Variants in IL1RAPL1 observed in about 807,000 individuals in gnomAD.
The protein encoded by IL1RAPL1 is interleukin 1 receptor accessory protein like 1.
Under a neutral mutation model 48.4 loss-of-function variants are expected in IL1RAPL1, and 3 were observed. That is an observed-to-expected ratio of 0.06 (90% confidence interval 0.03 to 0.16). The LOEUF (loss-of-function observed/expected upper bound fraction) is 0.16, where lower values mean the gene tolerates loss of function less well. IL1RAPL1 is among the 10% of genes least tolerant of loss of function. IL1RAPL1 has a pLI of 1.00. For missense variants in IL1RAPL1, 349 were observed against 530.6 expected (o/e 0.66, Z 3.36); for synonymous variants, 185 against 187.7 (o/e 0.99, Z 0.12).
At chrX:29,189,040 T>C (rs1447999510) in intron 2 of IL1RAPL1, among the ~76,000 whole-genome samples, 2 of 112,514 alleles carry the variant, frequency 1.8e-5, no homozygotes, top group African/African-American at 6.5e-5. Context: ...TTTTTGTTTT[T>C]TGTTTTTCCA....
intron 2 of IL1RAPL1, among the ~76,000 whole-genome samples, chrX:29,155,774 C>G (rs972704511): frequency 1.8e-5 from 2 of 111,371 alleles, no homozygotes; most frequent in Admixed American, 9.6e-5. Context: ...TACCTTTATT[C>G]TAACAAGATA....
chrX:28,791,715 C>G (rs944768964), intron 2 of IL1RAPL1, among the ~76,000 whole-genome samples: 6 of 111,848 alleles, frequency 5.4e-5, no homozygotes, highest in African/African-American at 1.6e-4. Flanking sequence ...CCCCTAGTGT[C>G]TATATTAAGA....
intron 2 of IL1RAPL1, among the ~76,000 whole-genome samples, chrX:28,835,700 A>C (rs1037107123): frequency 9.0e-6 from 1 of 111,404 alleles, no homozygotes; most frequent in Non-Finnish European, 1.9e-5. Flanking sequence ...CCATTTTTGT[A>C]GGTTAAAAGG....
At chrX:29,928,235 G>GA (rs1263994644) in intron 8 of IL1RAPL1, among the ~76,000 whole-genome samples, 1 of 112,075 alleles carries the variant, frequency 8.9e-6, no homozygotes, top group Non-Finnish European at 1.9e-5. Flanking sequence ...CGATGTATTA[G>GA]AAAATGATAA....
chrX:29,399,549 C>A (rs763156941), intron 5 of IL1RAPL1, among the ~76,000 whole-genome samples: 56 of 111,392 alleles, frequency 5.0e-4, no homozygotes, highest in Admixed American at 2.3e-3. Context: ...GGCCGGGCAC[C>A]GTGGCTCATG....
At position 29,871,257 on chromosome X, in the gene IL1RAPL1, A is replaced by G. The variant is rs148978989; in HGVS notation, c.779-46207A>G. Among the ~76,000 whole-genome samples the G allele has an allele frequency of 9.3e-3, 1,039 of 112,206 alleles. 15 individuals carry two copies. The highest frequency in any genetic ancestry group is 0.032 in the African/African-American group (987 of 30,917). ...AGGAAAGTCTCCCATCTCAAAGTCT[A>G]TAATGTTAATCATGCCTGCAAAGTC... On this transcript the variant is annotated intron_variant, in intron 6 of 10. Transcript: ENST00000378993.
intron 5 of IL1RAPL1, among the ~76,000 whole-genome samples, chrX:29,653,417 T>G (rs767106834): frequency 8.9e-6 from 1 of 112,060 alleles, no homozygotes; most frequent in East Asian, 2.8e-4. Context: ...AAGAACAAAT[T>G]TGCAGATTTT....
At chrX:28,799,020 C>T (rs967222997) in intron 2 of IL1RAPL1, among the ~76,000 whole-genome samples, 1 of 111,728 alleles carries the variant, frequency 9.0e-6, no homozygotes, top group Non-Finnish European at 1.9e-5. Flanking sequence ...AAAGTAATAC[C>T]TGACCTGAAA....
intron 8 of IL1RAPL1, among the ~76,000 whole-genome samples, chrX:29,933,302 C>T (rs1048691832): frequency 9.0e-6 from 1 of 111,221 alleles, no homozygotes; most frequent in Non-Finnish European, 1.9e-5. Context: ...CCTGCGCGTT[C>T]TGCACATGTA....
chrX:28,812,664 A>T (rs1936805384), intron 2 of IL1RAPL1, among the ~76,000 whole-genome samples: 1 of 111,460 alleles, frequency 9.0e-6, no homozygotes, highest in Non-Finnish European at 1.9e-5. Flanking sequence ...AATATATATA[A>T]ATGAATGTGT....
intron 6 of IL1RAPL1, among the ~76,000 whole-genome samples, chrX:29,904,163 G>T (rs757373243): frequency 2.3e-3 from 259 of 111,411 alleles, no homozygotes; most frequent in African/African-American, 8.2e-3. Flanking sequence ...AGGTGGAGGA[G>T]TTTTTTCGAT....
Position 28,701,113 on chromosome X carries a change from C to T in IL1RAPL1, c.-24-88207C>T, listed in dbSNP as rs893994320. On this transcript the variant is annotated intron_variant, in intron 1 of 10. Transcript: ENST00000378993. ...CAAATGGTATTTCTGGTTCTGGATCCTTGAGGAATCTCCACATTGTCTTCC... is the reference window on the plus strand; with the variant it reads ...CAAATGGTATTTCTGGTTCTGGATCTTTGAGGAATCTCCACATTGTCTTCC... Among the ~76,000 whole-genome samples, 5 of 111,432 alleles carry T rather than the reference C, an allele frequency of 4.5e-5. No individual in the cohort carries two copies. The Admixed American group carries it at 4.8e-4, about 11-fold the overall frequency.
At chrX:29,344,479 A>C (rs1382796155) in intron 3 of IL1RAPL1, among the ~76,000 whole-genome samples, 1 of 111,569 alleles carries the variant, frequency 9.0e-6, no homozygotes, top group Non-Finnish European at 1.9e-5. Flanking sequence ...AGTATTTATA[A>C]ATTTCATACA....
intron 6 of IL1RAPL1, among the ~76,000 whole-genome samples, chrX:29,717,361 C>G (rs998682242): frequency 1.8e-5 from 2 of 111,738 alleles, no homozygotes; most frequent in Non-Finnish European, 3.8e-5. Context: ...ACAATCTTCC[C>G]TCTGAAATGC....
At chrX:28,822,950 C>T (rs1232363427) in intron 2 of IL1RAPL1, among the ~76,000 whole-genome samples, 1 of 111,654 alleles carries the variant, frequency 9.0e-6, no homozygotes, top group South Asian at 3.8e-4. Flanking sequence ...TGTATCCATG[C>T]GAGGACCATC....
chrX:29,099,186 C>T (rs747427705), intron 2 of IL1RAPL1, among the ~76,000 whole-genome samples: 3 of 111,322 alleles, frequency 2.7e-5, no homozygotes, highest in Non-Finnish European at 3.8e-5. Context: ...CAATCTTTAA[C>T]GTATGATGGT....
chrX:29,087,200 C>T (rs934713648), intron 2 of IL1RAPL1, among the ~76,000 whole-genome samples: 4 of 100,300 alleles, frequency 4.0e-5, no homozygotes, highest in Non-Finnish European at 7.9e-5. Context: ...TGCAGTGGCA[C>T]AATCTCGGCT....
At chrX:29,306,293 G>A (rs1372059678) in intron 3 of IL1RAPL1, among the ~76,000 whole-genome samples, 2 of 111,377 alleles carry the variant, frequency 1.8e-5, no homozygotes, top group African/African-American at 3.3e-5. Context: ...CACTTTGGGA[G>A]GCCGAGGCAG....
intron 5 of IL1RAPL1, among the ~76,000 whole-genome samples, chrX:29,463,170 C>T (rs1236955101): frequency 1.0e-5 from 1 of 99,456 alleles, no homozygotes; most frequent in Non-Finnish European, 2.0e-5. Flanking sequence ...ACAAGAAATA[C>T]CAAAGGAATG....
Sources: allele counts gnomAD v4.1 joint callset (sites outside exome capture counted in the v4.1 genomes callset), GRCh38; gene constraint gnomAD v4.1.1; transcripts MANE v1.5; gene names NCBI Gene and HGNC (gene_info 2026-07-23, HGNC 2026-07-21).